ARB2A: variants seen among roughly 807,000 people sequenced by gnomAD.
ARB2A encodes the protein ARB2 cotranscriptional regulator A, also known as cotranscriptional regulator ARB2A.
At chr5:93,822,091 TGACCCTTACTGA>T in the ARB2A span, among the ~76,000 whole-genome samples, 1 of 152,182 alleles carries the variant, frequency 6.6e-6, no homozygotes, top group African/African-American at 2.4e-5. Context: ...CTACAGAAGC[TGACCCTTACTGA>T]GACCATCTTG....
chr5:93,727,160 A>T, the ARB2A span, among the ~76,000 whole-genome samples: 1 of 152,014 alleles, frequency 6.6e-6, no homozygotes. Context: ...AGGAAAAGCT[A>T]GTCTAAGATT....
chr5:93,929,080 G>A, the ARB2A span, among the ~76,000 whole-genome samples: 1 of 151,710 alleles, frequency 6.6e-6, no homozygotes, highest in African/African-American at 2.4e-5. Context: ...GTATTCCTAT[G>A]TTAAATACTT....
chr5:93,764,060 G>C, the ARB2A span, among the ~76,000 whole-genome samples: 2 of 152,132 alleles, frequency 1.3e-5, no homozygotes, highest in Non-Finnish European at 2.9e-5. Context: ...TGTGTAGAGG[G>C]AAATTTATAG....
chr5:93,657,888 C>T, the ARB2A span, among the ~76,000 whole-genome samples: 1 of 152,116 alleles, frequency 6.6e-6, no homozygotes, highest in South Asian at 2.1e-4. Flanking sequence ...GCACAGTAAA[C>T]TAATATAGAA....
At chr5:93,889,535 A>G in the ARB2A span, among the ~76,000 whole-genome samples, 1 of 151,880 alleles carries the variant, frequency 6.6e-6, no homozygotes, top group African/African-American at 2.4e-5. Context: ...AAATGCAAAA[A>G]TATGCAAAAC....
At chr5:93,805,759 T>C in the ARB2A span, 19 of 985,206 alleles carry the variant, frequency 1.9e-5, no homozygotes, top group East Asian at 5.7e-4. Flanking sequence ...TAGTTGCTCA[T>C]GGTCACTTGC....
At chr5:93,814,027 G>C in the ARB2A span, among the ~76,000 whole-genome samples, 1 of 151,844 alleles carries the variant, frequency 6.6e-6, no homozygotes, top group Non-Finnish European at 1.5e-5. Flanking sequence ...AAAATTTCAG[G>C]GCCACAGACT....
the ARB2A span, among the ~76,000 whole-genome samples, chr5:93,722,718 T>A: frequency 1.3e-5 from 2 of 152,114 alleles, no homozygotes; most frequent in Non-Finnish European, 2.9e-5. Context: ...TAACTACACC[T>A]CATGGAAGCG....
chr5:93,854,716 C>T, the ARB2A span, among the ~76,000 whole-genome samples: 5 of 152,052 alleles, frequency 3.3e-5, no homozygotes, highest in Non-Finnish European at 7.4e-5. Flanking sequence ...GTTTTATGTA[C>T]CCAGTAGTCA....
At chr5:93,683,644 G>C in the ARB2A span, 2 of 1,566,622 alleles carry the variant, frequency 1.3e-6, no homozygotes, top group Non-Finnish European at 1.7e-6. Flanking sequence ...ATCTTTGTCG[G>C]CCTTTAGTTC....
chr5:93,826,182 A>G, the ARB2A span, among the ~76,000 whole-genome samples: 1 of 152,302 alleles, frequency 6.6e-6, no homozygotes, highest in African/African-American at 2.4e-5. Context: ...AATGTGAAAT[A>G]ATACTGATCA....
the ARB2A span, among the ~76,000 whole-genome samples, chr5:94,105,080 G>C: frequency 6.6e-6 from 1 of 151,880 alleles, no homozygotes; most frequent in South Asian, 2.1e-4. Flanking sequence ...TTGAAAACCG[G>C]AACAAGACAA....
chr5:93,887,162 A>G, the ARB2A span, among the ~76,000 whole-genome samples: 1 of 151,644 alleles, frequency 6.6e-6, no homozygotes, highest in Non-Finnish European at 1.5e-5. Flanking sequence ...ATGGGCTGAT[A>G]GAGGTCAGGG....
the ARB2A span, among the ~76,000 whole-genome samples, chr5:93,932,813 C>T: frequency 3.9e-5 from 6 of 152,146 alleles, no homozygotes; most frequent in Admixed American, 3.9e-4. Flanking sequence ...ATCAGATGCT[C>T]TCTGGTTTTA....
At chr5:93,812,708 A>G in the ARB2A span, among the ~76,000 whole-genome samples, 1 of 152,222 alleles carries the variant, frequency 6.6e-6, no homozygotes, top group Non-Finnish European at 1.5e-5. Context: ...CACAAATATT[A>G]GAAGTTTAAT....
chr5:94,090,498 T>C, the ARB2A span, among the ~76,000 whole-genome samples: 1 of 152,212 alleles, frequency 6.6e-6, no homozygotes, highest in African/African-American at 2.4e-5. Context: ...CCTCTCTTGC[T>C]ATTTGAATAC....
the ARB2A span, chr5:93,958,765 A>G: frequency 6.8e-7 from 1 of 1,480,600 alleles, no homozygotes; most frequent in Non-Finnish European, 9.0e-7. Flanking sequence ...AAACCCAGGA[A>G]ATTGTACTTA....
chr5:93,974,535 A>T, the ARB2A span, among the ~76,000 whole-genome samples: 1 of 152,150 alleles, frequency 6.6e-6, no homozygotes, highest in East Asian at 1.9e-4. Flanking sequence ...TATTAAACAG[A>T]TCATCAAGGC....
chr5:93,953,209 G>A, the ARB2A span, among the ~76,000 whole-genome samples: 8 of 152,090 alleles, frequency 5.3e-5, no homozygotes, highest in Non-Finnish European at 1.2e-4. Context: ...TGATGCTTGC[G>A]GATGTTTGTC....
Sources: gnomAD v4.1 joint callset for allele counts (sites outside exome capture counted in the v4.1 genomes callset) on GRCh38, gnomAD v4.1.1 for gene constraint, MANE v1.5 for transcripts, NCBI Gene and HGNC (gene_info 2026-07-23, HGNC 2026-07-21) for gene names.